ABLIM3: variants seen among roughly 807,000 people sequenced by gnomAD.
The protein encoded by ABLIM3 is actin binding LIM protein family member 3.
A neutral mutation model predicts 109.5 loss-of-function variants in ABLIM3; 61 were observed. The ratio of observed to expected loss-of-function variants is 0.56; its 90% CI spans 0.45 to 0.69. The LOEUF (loss-of-function observed/expected upper bound fraction) is 0.69, where lower values mean the gene tolerates loss of function less well. Ranked by LOEUF, ABLIM3 falls within the 30% of genes least tolerant of loss-of-function variation. The probability of loss-of-function intolerance (pLI) is 0.00; values close to 1 mark genes in which losing one functional copy is unlikely to be tolerated. For missense variants in ABLIM3, 796 were observed against 889.5 expected (o/e 0.89, Z 1.34); for synonymous variants, 300 against 324.8 (o/e 0.92, Z 0.82).
intron 23 of ABLIM3, among the ~76,000 whole-genome samples, chr5:149,257,108 C>T (rs770895464): frequency 2.0e-4 from 30 of 152,160 alleles, no homozygotes; most frequent in Non-Finnish European, 4.1e-4. Flanking sequence ...AGTTCAAGAC[C>T]AGCCTAGGGA....
chr5:149,178,924 A>C, intron 2 of ABLIM3, among the ~76,000 whole-genome samples: 1 of 152,176 alleles, frequency 6.6e-6, no homozygotes, highest in Non-Finnish European at 1.5e-5. Context: ...CGTGCCCAAA[A>C]TTAGAACAGT....
intron 3 of ABLIM3, among the ~76,000 whole-genome samples, chr5:149,191,229 T>C (rs1757443979): frequency 6.6e-6 from 1 of 152,082 alleles, no homozygotes; most frequent in South Asian, 2.1e-4. Flanking sequence ...TCAACAATAT[T>C]AAGAATTAAA....
intron 5 of ABLIM3, among the ~76,000 whole-genome samples, chr5:149,202,040 T>A (rs1758543671): frequency 6.6e-6 from 1 of 151,970 alleles, no homozygotes; most frequent in Non-Finnish European, 1.5e-5. Flanking sequence ...AAATACAGAG[T>A]GAGGGATGAT....
intron 18 of ABLIM3, 25 bp downstream of exon 18, chr5:149,247,954 C>T (rs368274673): frequency 1.9e-5 from 31 of 1,608,010 alleles, no homozygotes; most frequent in Middle Eastern, 1.7e-4. Context: ...GGAAGCCCAA[C>T]GGGGCGGGGA....
chr5:149,235,537 A>T (rs1252963536), intron 10 of ABLIM3, among the ~76,000 whole-genome samples: 1 of 152,156 alleles, frequency 6.6e-6, no homozygotes, highest in Non-Finnish European at 1.5e-5. Flanking sequence ...AGCCCTGTAA[A>T]CAAAGTGGCT....
chr5:149,237,882 C>T (rs1752382206), intron 11 of ABLIM3, among the ~76,000 whole-genome samples: 1 of 152,162 alleles, frequency 6.6e-6, no homozygotes, highest in South Asian at 2.1e-4. Flanking sequence ...TTCCATTCCC[C>T]CCAGTCCCCC....
At chr5:149,162,748 C>T (rs1410595335) in intron 2 of ABLIM3, among the ~76,000 whole-genome samples, 2 of 152,202 alleles carry the variant, frequency 1.3e-5, no homozygotes, top group Admixed American at 1.3e-4. Flanking sequence ...AGTCCCCTCA[C>T]TCAATGCTTT....
chr5:149,231,222 C>T (rs772790840), intron 9 of ABLIM3, among the ~76,000 whole-genome samples: 1 of 152,192 alleles, frequency 6.6e-6, no homozygotes, highest in African/African-American at 2.4e-5. Context: ...AGTAACAAAG[C>T]ACAGCCGACA....
At chr5:149,239,018 C>T (rs1299820783) in intron 11 of ABLIM3, among the ~76,000 whole-genome samples, 7 of 152,160 alleles carry the variant, frequency 4.6e-5, no homozygotes, top group African/African-American at 1.4e-4. Context: ...TCTCTCTGGG[C>T]CTTGGTTTTT....
chr5:149,250,835 G>C (rs893936925), intron 20 of ABLIM3, among the ~76,000 whole-genome samples: 9 of 152,200 alleles, frequency 5.9e-5, no homozygotes, highest in Non-Finnish European at 5.9e-5. Flanking sequence ...TGTGCATGCA[G>C]AAAGGCACAG....
chr5:149,241,298 AAG>A (rs1752817854), intron 14 of ABLIM3, among the ~76,000 whole-genome samples: 1 of 152,228 alleles, frequency 6.6e-6, no homozygotes, highest in Non-Finnish European at 1.5e-5. Flanking sequence ...CTAATGTAGG[AAG>A]AGAGATAAAA....
In ABLIM3 at chr5:149,258,812, G is replaced by C; in HGVS notation, c.*408G>C. 1 of 991,124 alleles carries C rather than the reference G, an allele frequency of 1.0e-6. No homozygotes were observed. Among genetic ancestry groups the C allele is most frequent in the Non-Finnish European group, 1.2e-6 (1 of 833,908 alleles). The allele number at this position is 991,124 out of a possible 1,614,324, so 61.4% of individuals were successfully genotyped here. On this transcript the variant is annotated 3_prime_UTR_variant, in exon 24 of 24. Coordinates refer to ENST00000309868, the MANE Select transcript of ABLIM3 (RefSeq NM_014945.5). ...TTTCCACACCTTATTGGCCCCAGAG[G>C]GGCCCTCCCATGGGAAGATCTGCAG...
chr5:149,192,641 A>G (rs1346130999), intron 3 of ABLIM3, among the ~76,000 whole-genome samples: 2 of 149,292 alleles, frequency 1.3e-5, no homozygotes, highest in African/African-American at 2.5e-5. Context: ...AAAAAAGAAA[A>G]AAAAAAAAAA....
At chr5:149,209,232 G>A (rs1338217576) in intron 6 of ABLIM3, among the ~76,000 whole-genome samples, 3 of 152,226 alleles carry the variant, frequency 2.0e-5, no homozygotes, top group African/African-American at 7.2e-5. Flanking sequence ...ATTGTTCAGA[G>A]CTCCTCTCAA....
intron 17 of ABLIM3, among the ~76,000 whole-genome samples, chr5:149,247,432 A>T (rs929152555): frequency 5.3e-5 from 8 of 152,218 alleles, no homozygotes; most frequent in Non-Finnish European, 1.0e-4. Flanking sequence ...TTCCTTTAAA[A>T]TGGTTAATTT....
At chr5:149,222,157 A>T (rs11957849) in intron 8 of ABLIM3, among the ~76,000 whole-genome samples, 2,917 of 150,712 alleles carry the variant, frequency 0.019, 98 homozygotes, top group African/African-American at 0.066. Context: ...ATTATTATTA[A>T]TAATATAATT....
At chr5:149,203,193 C>T (rs1310577335) in intron 5 of ABLIM3, among the ~76,000 whole-genome samples, 1 of 151,868 alleles carries the variant, frequency 6.6e-6, no homozygotes, top group Non-Finnish European at 1.5e-5. Context: ...CCACCACTAT[C>T]TTCACCATCA....
chr5:149,197,223 A>G (rs1346240070), intron 3 of ABLIM3, among the ~76,000 whole-genome samples: 4 of 152,174 alleles, frequency 2.6e-5, no homozygotes, highest in African/African-American at 7.2e-5. Flanking sequence ...CTTTTCCTGC[A>G]TTACTTCCCA....
At chr5:149,212,747 G>A (rs530254831) in intron 7 of ABLIM3, among the ~76,000 whole-genome samples, 1 of 152,288 alleles carries the variant, frequency 6.6e-6, no homozygotes, top group South Asian at 2.1e-4. Context: ...AGGGGAAAAA[G>A]CTGATCTGGC....
Sources: allele counts gnomAD v4.1 joint callset (sites outside exome capture counted in the v4.1 genomes callset), GRCh38; gene constraint gnomAD v4.1.1; transcripts MANE v1.5; gene names NCBI Gene and HGNC (gene_info 2026-07-23, HGNC 2026-07-21).